The following VPS26B variants were observed in gnomAD, a reference collection of about 807,000 sequenced individuals.
VPS26B encodes the protein vacuolar protein sorting-associated protein 26B.
VPS26B carries 10 observed loss-of-function variants against 33.3 expected under a neutral mutation model. That is an observed-to-expected ratio of 0.30 (90% CI 0.19 to 0.51). The LOEUF (loss-of-function observed/expected upper bound fraction) is 0.51, where lower values mean the gene tolerates loss of function less well. Among genes scored for constraint, VPS26B ranks in the 20% least tolerant of loss-of-function variants. VPS26B has a pLI of 0.98. For missense variants in VPS26B, 317 were observed against 452.7 expected, an observed-to-expected ratio of 0.70 and a Z score of 2.72; for synonymous variants, 190 against 176.9, an observed-to-expected ratio of 1.07 and a Z score of -0.59.
At chr11:134,235,627 C>T (rs894935376) in intron 2 of VPS26B, 1 of 152,200 alleles carries the variant, frequency 6.6e-6, no homozygotes, top group African/African-American at 2.4e-5. Flanking sequence ...CTCTGTAACT[C>T]AGCTTTCTCA....
chr11:134,231,254 C>G (rs1381220169), intron 1 of VPS26B, among the ~76,000 whole-genome samples: 1 of 151,680 alleles, frequency 6.6e-6, no homozygotes, highest in Non-Finnish European at 1.5e-5. Flanking sequence ...TTTTAATAAG[C>G]CCATTAATAC....
intron 3 of VPS26B, among the ~76,000 whole-genome samples, chr11:134,242,337 G>T (rs1214063380): frequency 6.6e-6 from 1 of 152,176 alleles, no homozygotes. Context: ...TCACATCCTG[G>T]TTATCCAAGA....
intron 3 of VPS26B, 44 bp from the exon 4 acceptor site, chr11:134,243,075 G>A (rs2136053575): frequency 1.2e-6 from 2 of 1,603,954 alleles, no homozygotes; most frequent in Non-Finnish European, 1.7e-6. Context: ...GAAAGGTCTG[G>A]CCACAGTACC....
chr11:134,233,566 A>G (rs1464646665), intron 1 of VPS26B, among the ~76,000 whole-genome samples: 3 of 152,206 alleles, frequency 2.0e-5, no homozygotes, highest in African/African-American at 4.8e-5. Context: ...TACTAAAAAT[A>G]CAAAAACAAT....
At chr11:134,232,512 C>T (rs551163652) in intron 1 of VPS26B, among the ~76,000 whole-genome samples, 2 of 152,334 alleles carry the variant, frequency 1.3e-5, no homozygotes, top group African/African-American at 2.4e-5. Context: ...GGAGGAAAGG[C>T]ACTAGGGAGA....
chr11:134,226,852 G>A (rs1938484612), intron 1 of VPS26B, among the ~76,000 whole-genome samples: 1 of 152,178 alleles, frequency 6.6e-6, no homozygotes, highest in Non-Finnish European at 1.5e-5. Flanking sequence ...CAAGCATTTT[G>A]CCTCTGGTAT....
At position 134,234,853 on chromosome 11, in the gene VPS26B, C is replaced by G. The variant is rs1005442164; in HGVS notation, c.224-44C>G. 6.3e-6 allele frequency: 10 copies of G among 1,599,494 alleles called. No individual in the cohort carries two copies. In the Admixed American group the frequency reaches 1.0e-4, roughly 16 times the overall value. On this transcript the variant is annotated intron_variant, in intron 1 of 5. Coordinates refer to ENST00000281187, the MANE Select transcript of VPS26B (RefSeq NM_052875.5). ...GCCCCCTACTCGGCCCGGTGTAGCT[C>G]AGGGTCTGATAAAGGAGGGCGTCGC...
In VPS26B at chr11:134,247,286, G is replaced by C. The variant is rs1938848624; in HGVS notation, c.*1696G>C. 6.6e-6 allele frequency: 1 copy of C among 152,180 alleles called. No homozygotes were observed. The highest frequency in any genetic ancestry group is 1.5e-5 in the Non-Finnish European group (1 of 68,032). 9.4% of individuals were successfully genotyped at this position (152,180 alleles called of 1,614,324 possible). A position where few individuals can be genotyped will look rare whatever the true frequency, so the allele number is the denominator to read the frequency against. On this transcript the variant is annotated 3_prime_UTR_variant, in exon 6 of 6. Transcript: ENST00000281187. ...GTTGGGGCTTAAGTGGATAAGGGAG[G>C]CAAGTTCTGGGTTCCTTGCCTTTTC...
chr11:134,244,034 GA>G lies in VPS26B; in HGVS notation c.721+741del. 6.6e-6 allele frequency: 1 copy of G among 152,350 alleles called. No homozygotes were observed. Among genetic ancestry groups the G allele is most frequent in the South Asian group, 2.1e-4 (1 of 4,826 alleles). The allele number at this position is 152,350 out of a possible 1,614,324, so 9.4% of individuals were successfully genotyped here. A position where few individuals can be genotyped will look rare whatever the true frequency, so the allele number is the denominator to read the frequency against. On this transcript the variant is annotated intron_variant, in intron 4 of 5. Transcript: ENST00000281187. This position sits in a 1 kb window ranked among gnomAD's most constrained non-coding sequence, Gnocchi z 4.0. ...TCCCACAGGCTGTTCCATGTGGAAG[GA>G]GGAGCGCCACAGATTTAGCTGCCTG...
intron 1 of VPS26B, among the ~76,000 whole-genome samples, chr11:134,231,199 C>T (rs539200210): frequency 2.8e-4 from 43 of 151,738 alleles, no homozygotes; most frequent in African/African-American, 9.9e-4. Flanking sequence ...CATCCCTGCA[C>T]TCCAAAGCCA....
At chr11:134,242,174 T>A (rs966797751) in intron 3 of VPS26B, among the ~76,000 whole-genome samples, 2 of 152,192 alleles carry the variant, frequency 1.3e-5, no homozygotes, top group Non-Finnish European at 2.9e-5. Context: ...GCGCAGGTGG[T>A]CTCCTGCTGC....
At chr11:134,238,229 G>A (rs932159050) in intron 2 of VPS26B, among the ~76,000 whole-genome samples, 3 of 152,174 alleles carry the variant, frequency 2.0e-5, no homozygotes, top group Non-Finnish European at 4.4e-5. Flanking sequence ...TTCTTGGGCC[G>A]GAGTGGGGAG....
At position 134,245,061 on chromosome 11, in the gene VPS26B, G is replaced by A. The variant is rs1303263162; in HGVS notation, c.845G>A (p.Arg282Gln). The change falls in exon 5 of 6, where the codon CGG (arginine) becomes CAG (glutamine). Residue 282 changes from arginine (R) to glutamine (Q), a missense_variant. Transcript: ENST00000281187. The surrounding 1 kb of genome is among the most constrained non-coding windows in gnomAD (Gnocchi z 4.7). ...CTGGTGCTGATAGACGAGGAGGAGC[G>A]GCGCTACTTCAAGCAGCAGGTGAGG... Reference protein sequence around the residue: ...LNLVLIDEEERRYFKQQEVVL... With the variant: ...LNLVLIDEEEQRYFKQQEVVL... 4 of 1,613,974 alleles carry A rather than the reference G, an allele frequency of 2.5e-6. No homozygotes were observed. Among genetic ancestry groups the A allele is most frequent in the East Asian group, 2.2e-5 (1 of 44,888 alleles).
Position 134,245,499 on chromosome 11 carries a change from C to A in VPS26B, c.920C>A (p.Ala307Glu). ...GTACGGAAGAGCATGTCCCACCAGGCGGCCATCGCCTCACAGCGCTTTGAG... is the reference window on the plus strand; with the variant it reads ...GTACGGAAGAGCATGTCCCACCAGGAGGCCATCGCCTCACAGCGCTTTGAG... ...DIVRKSMSHQ[A>E]AIASQRFEGT... Residue 307 changes from alanine to glutamate, a missense_variant, in exon 6 of 6, where the codon GCG becomes GAG. Physicochemically the swap from Ala to Glu is moderately radical, Grantham distance 107 (BLOSUM62 -1). Transcript: ENST00000281187. The surrounding 1 kb of genome is among the most constrained non-coding windows in gnomAD (Gnocchi z 4.7). 6.2e-7 allele frequency: 1 copy of A among 1,613,958 alleles called. No homozygotes were observed. Among genetic ancestry groups the A allele is most frequent in the Non-Finnish European group, 8.5e-7 (1 of 1,179,920 alleles).
intron 2 of VPS26B, among the ~76,000 whole-genome samples, chr11:134,239,184 T>A (rs540497522): frequency 3.8e-4 from 58 of 152,268 alleles, no homozygotes; most frequent in African/African-American, 1.3e-3. Context: ...TCCCCAGGGA[T>A]CCTAGGTTCA....
At position 134,242,624 on chromosome 11, in the gene VPS26B, G is replaced by A. The variant is rs116832328; in HGVS notation, c.546-495G>A. The stretch of plus-strand genomic sequence containing the variant: ...AGCCCAGAAAGCAGGCGCTGATGCC[G>A]AGAGTGATTTGCTCTTCTCACTCTA... On this transcript the variant is annotated intron_variant, in intron 3 of 5. Transcript: ENST00000281187. Among the ~76,000 whole-genome samples, 1,058 of 152,362 alleles carry A rather than the reference G, an allele frequency of 6.9e-3. 14 individuals carry two copies. Among genetic ancestry groups the A allele is most frequent in the African/African-American group, 0.024 (1,012 of 41,584 alleles).
At chr11:134,242,439 G>C (rs1255193370) in intron 3 of VPS26B, among the ~76,000 whole-genome samples, 2 of 152,236 alleles carry the variant, frequency 1.3e-5, no homozygotes, top group Non-Finnish European at 2.9e-5. Flanking sequence ...CTTATCCTGT[G>C]AGCTGAGCAT....
intron 1 of VPS26B, among the ~76,000 whole-genome samples, chr11:134,231,283 T>A (rs933003336): frequency 6.6e-6 from 1 of 152,266 alleles, no homozygotes; most frequent in Admixed American, 6.5e-5. Flanking sequence ...CCCATACTTT[T>A]AAAAACTCCA....
chr11:134,243,491 T>C lies in VPS26B; in HGVS notation c.721+197T>C, dbSNP rs1033521190. 7 of 621,380 alleles carry C rather than the reference T, an allele frequency of 1.1e-5. No individual in the cohort carries two copies. The African/African-American group carries it at 1.3e-4, about 11-fold the overall frequency. The allele number at this position is 621,380 out of a possible 1,614,324, so 38.5% of individuals were successfully genotyped here. A position where few individuals can be genotyped will look rare whatever the true frequency, so the allele number is the denominator to read the frequency against. On this transcript the variant is annotated intron_variant, in intron 4 of 5. Transcript: ENST00000281187. ...GAGTGTGTAGAACTTGAGGCTACTA[T>C]CCCATCTTCACCCTGAAAAGTTGCA...
Sources: gnomAD v4.1 joint callset for allele counts (sites outside exome capture counted in the v4.1 genomes callset) on GRCh38, gnomAD v4.1.1 for gene constraint, Gnocchi (gnomAD v3.1) non-coding constraint, MANE v1.5 for transcripts, NCBI Gene and HGNC (gene_info 2026-07-23, HGNC 2026-07-21) for gene names.